Variants in SPACA1 observed in about 807,000 individuals in gnomAD.
SPACA1 encodes sperm acrosome associated 1.
Under a neutral mutation model 32.6 loss-of-function variants are expected in SPACA1, and 17 were observed. The ratio of observed to expected loss-of-function variants is 0.52; its 90% confidence interval spans 0.36 to 0.78. The LOEUF is 0.78. Among genes scored for constraint, SPACA1 ranks in the 30% least tolerant of loss-of-function variants. The pLI is 0.01. For synonymous variants in SPACA1, 140 were observed against 138.1 expected, an observed-to-expected ratio of 1.01 and a Z score of -0.10; for missense variants, 363 against 373.4, an observed-to-expected ratio of 0.97 and a Z score of 0.23.
At position 88,064,234 on chromosome 6, in the gene SPACA1, G is replaced by T. The variant is rs150198912; in HGVS notation, c.731+15G>T. 2.6e-4 allele frequency: 419 copies of T among 1,604,000 alleles called. 9 individuals are homozygous for T. The East Asian group carries it at 9.4e-3, about 36-fold the overall frequency. On this transcript the variant is annotated intron_variant, in intron 6 of 6. Transcript: ENST00000237201. Reference sequence around the variant, plus strand: ...ATCATAAATTGGTAGGTGAATAGTGGAATGCATCATCACCCTTGATTGACA... The same window carrying T: ...ATCATAAATTGGTAGGTGAATAGTGTAATGCATCATCACCCTTGATTGACA...
chr6:88,066,281 A>G lies in SPACA1; in HGVS notation c.831A>G (p.Gln277=), dbSNP rs377584651. The G allele has an allele frequency of 3.7e-6, 6 of 1,612,436 alleles. No individual in the cohort carries two copies. Among genetic ancestry groups the G allele is most frequent in the Non-Finnish European group, 4.2e-6 (5 of 1,178,992 alleles). ...ACAAAGATTCAACTTCTCTTGACCA[A>G]TTACCAACAGAAATGCCTGGTGAAG... ...VRYKDSTSLD[Q]LPTEMPGEDD... is the part of the protein sequence containing the mutation. Residue 277 remains glutamine, a synonymous_variant, in exon 7 of 7, where the codon CAA becomes CAG. Transcript: ENST00000237201.
At chr6:88,061,430 GCGCA>G (rs914668735) in intron 5 of SPACA1, among the ~76,000 whole-genome samples, 15 of 50,252 alleles carry the variant, frequency 3.0e-4, no homozygotes, top group African/African-American at 9.1e-4. Flanking sequence ...GCATGCTTGT[GCGCA>G]CACACACACA....
intron 5 of SPACA1, among the ~76,000 whole-genome samples, chr6:88,060,926 T>A (rs1775883756): frequency 6.6e-6 from 1 of 152,326 alleles, no homozygotes; most frequent in East Asian, 1.9e-4. Context: ...CAAAGTTAAC[T>A]TCTCTCTCTC....
rs754790909 is a variant in SPACA1, at chr6:88,047,990, G to A, written c.85G>A (p.Gly29Arg). ...LLLAGLQSAR[G>R]TNVTAAVQDA... ...TCTGGCGGGCCTCCAGTCCGCGCGC[G>A]GGACCAACGTCACCGCTGCCGTCCA... The change falls in exon 1 of 7, where the codon GGG becomes AGG. Residue 29 changes from glycine (G) to arginine (R), a missense_variant. Coordinates refer to ENST00000237201, the MANE Select transcript of SPACA1 (RefSeq NM_030960.3). 3.2e-6 allele frequency: 5 copies of A among 1,575,432 alleles called. No homozygotes were observed. The South Asian group carries it at 5.8e-5, about 18-fold the overall frequency.
chr6:88,061,928 A>G (rs1467065300), intron 5 of SPACA1, among the ~76,000 whole-genome samples: 2 of 152,116 alleles, frequency 1.3e-5, no homozygotes, highest in Admixed American at 6.5e-5. Flanking sequence ...TAATAAATAA[A>G]ATCTTCATGC....
At chr6:88,054,144 C>T in intron 2 of SPACA1, 142 bp downstream of exon 2, 1 of 568,386 alleles carries the variant, frequency 1.8e-6, no homozygotes. Context: ...ATAATGTATA[C>T]ACAAAACTCA....
At chr6:88,065,385 A>G (rs1276896495) in intron 6 of SPACA1, among the ~76,000 whole-genome samples, 1 of 147,936 alleles carries the variant, frequency 6.8e-6, no homozygotes, top group African/African-American at 2.4e-5. Flanking sequence ...ATATACATAT[A>G]GTACATATGA....
chr6:88,050,355 C>G (rs887497581), intron 1 of SPACA1, among the ~76,000 whole-genome samples: 1 of 152,114 alleles, frequency 6.6e-6, no homozygotes, highest in African/African-American at 2.4e-5. Flanking sequence ...GAAAATTCAT[C>G]TAGTATATTC....
intron 1 of SPACA1, among the ~76,000 whole-genome samples, 176 bp downstream of exon 1, chr6:88,048,289 C>T (rs1263564659): frequency 6.6e-6 from 1 of 152,196 alleles, no homozygotes; most frequent in Non-Finnish European, 1.5e-5. Flanking sequence ...AGAATGTGCT[C>T]ATTCTCCCAG....
At chr6:88,064,663 C>T (rs1775950628) in intron 6 of SPACA1, among the ~76,000 whole-genome samples, 1 of 150,724 alleles carries the variant, frequency 6.6e-6, no homozygotes, top group Non-Finnish European at 1.5e-5. Context: ...GCTGATGCAT[C>T]GCAAACTAAA....
chr6:88,063,719 A>G (rs1562481022), intron 5 of SPACA1, among the ~76,000 whole-genome samples: 1 of 152,206 alleles, frequency 6.6e-6, no homozygotes, highest in African/African-American at 2.4e-5. Context: ...TCAAAGAAAA[A>G]ACTAATATTA....
At chr6:88,052,023 TA>T (rs1373212793) in intron 1 of SPACA1, among the ~76,000 whole-genome samples, 4 of 152,216 alleles carry the variant, frequency 2.6e-5, no homozygotes, top group South Asian at 2.1e-4. Flanking sequence ...TCAGACCATA[TA>T]TTTTTTTTAC....
intron 3 of SPACA1, 89 bp from the exon 4 acceptor site, chr6:88,058,627 A>T: frequency 1.2e-6 from 1 of 860,562 alleles, no homozygotes; most frequent in Non-Finnish European, 1.8e-6. Context: ...TGACAGAACC[A>T]GATCCTGTCT....
chr6:88,061,805 G>T (rs1775901972), intron 5 of SPACA1, among the ~76,000 whole-genome samples: 1 of 152,144 alleles, frequency 6.6e-6, no homozygotes, highest in African/African-American at 2.4e-5. Context: ...TATCTAAAAG[G>T]TGAGAGCATC....
Position 88,066,239 on chromosome 6 carries a change from G to A in SPACA1, c.789G>A (p.Glu263=). 4 of 1,612,578 alleles carry A rather than the reference G, an allele frequency of 2.5e-6. No individual in the cohort carries two copies. The highest frequency in any genetic ancestry group is 3.4e-6 in the Non-Finnish European group (4 of 1,179,042). ...CCTCTACACCTGAGGTACAATCCGA[G>A]CAGAGTTCTGTGAGATACAAAGATT... is the stretch of plus-strand genomic sequence containing the variant. ...AKASTPEVQS[E]QSSVRYKDST... is the part of the protein sequence containing the mutation. Residue 263 remains glutamate, a synonymous_variant, in exon 7 of 7, where the codon GAG becomes GAA. Transcript: ENST00000237201.
chr6:88,063,126 G>C (rs1775921077), intron 5 of SPACA1, among the ~76,000 whole-genome samples: 1 of 152,144 alleles, frequency 6.6e-6, no homozygotes, highest in Non-Finnish European at 1.5e-5. Context: ...TGTACAGTCA[G>C]TACAATCAGT....
chr6:88,047,719 T>A, upstream of SPACA1: 1 of 628,002 alleles, frequency 1.6e-6, no homozygotes, highest in South Asian at 2.1e-5. Flanking sequence ...CCTCGCAGCC[T>A]AGCTCCGCGC....
intron 1 of SPACA1, among the ~76,000 whole-genome samples, chr6:88,051,884 A>G (rs993846220): frequency 6.6e-6 from 1 of 152,214 alleles, no homozygotes; most frequent in Non-Finnish European, 1.5e-5. Context: ...ATCTTTTTCC[A>G]GGTCATTAAT....
chr6:88,055,848 G>A lies in SPACA1; in HGVS notation c.266-1764G>A, dbSNP rs1159013287. 5.9e-5 allele frequency among the ~76,000 whole-genome samples: 9 copies of A among 152,250 alleles called. No individual in the cohort carries two copies. The East Asian group carries it at 1.5e-3, about 26-fold the overall frequency. The stretch of plus-strand genomic sequence containing the variant: ...TAGCTGGGTGCGGTGGCACATACCT[G>A]TAGTCCCAGCTACTTGGGAGGCTAA... On this transcript the variant is annotated intron_variant, in intron 2 of 6. Transcript: ENST00000237201.
Sources: allele counts gnomAD v4.1 joint callset (sites outside exome capture counted in the v4.1 genomes callset), GRCh38; gene constraint gnomAD v4.1.1; transcripts MANE v1.5; gene names NCBI Gene and HGNC (gene_info 2026-07-23, HGNC 2026-07-21).